The following TMEM222 variants were observed in gnomAD, a reference collection of about 807,000 sequenced individuals.
TMEM222 encodes the protein transmembrane protein 222.
TMEM222 carries 18 observed loss-of-function variants against 25.1 expected under a neutral mutation model. The ratio of observed to expected loss-of-function variants is 0.72; its 90% confidence interval spans 0.50 to 1.06. The LOEUF is 1.06. Among genes scored for constraint, TMEM222 ranks in the 50% least tolerant of loss-of-function variants. TMEM222 has a pLI of 0.00. For synonymous variants in TMEM222, 131 were observed against 117.9 expected (o/e 1.11, Z -0.72); for missense variants, 296 against 293.7 (o/e 1.01, Z -0.06).
intron 1 of TMEM222, chr1:27,325,444 A>T: frequency 8.0e-7 from 1 of 1,248,966 alleles, no homozygotes; most frequent in Non-Finnish European, 1.2e-6. Context: ...CAGTGTCCGG[A>T]GGCGCTGTTC....
At position 27,322,401 on chromosome 1, in the gene TMEM222, T is replaced by C; in HGVS notation, c.194+10T>C. On this transcript the variant is annotated intron_variant, in intron 1 of 5. Transcript: ENST00000374076. The stretch of plus-strand genomic sequence containing the variant: ...CCATCCCGGTGCTCACGTGAGTCTC[T>C]TCCGGCATCCGCCTGGGGACGAGGA... 4 of 1,388,970 alleles carry C rather than the reference T, an allele frequency of 2.9e-6. No individual in the cohort carries two copies. Among genetic ancestry groups the C allele is most frequent in the Non-Finnish European group, 3.8e-6 (4 of 1,057,418 alleles). The allele number at this position is 1,388,970 out of a possible 1,614,324, so 86.0% of individuals were successfully genotyped here.
In TMEM222 at chr1:27,330,850, G is replaced by A. The variant is rs1454089110; in HGVS notation, c.279+46G>A. The A allele has an allele frequency of 1.9e-6, 3 of 1,608,634 alleles. No individual in the cohort carries two copies. The African/African-American group carries it at 4.0e-5, about 22-fold the overall frequency. On this transcript the variant is annotated intron_variant, in intron 2 of 5. Transcript: ENST00000374076. ...CCCGGGGGGTTCCAAGGTTTAAGTG[G>A]AAGGCTGTCCTGTCTTGCCTGCAGG...
In TMEM222 at chr1:27,330,735, C is replaced by G. The variant is rs1310201282; in HGVS notation, c.210C>G (p.Ile70Met). The G allele has an allele frequency of 6.2e-7, 1 of 1,614,224 alleles. No homozygotes were observed. Among genetic ancestry groups the G allele is most frequent in the South Asian group, 1.1e-5 (1 of 91,084 alleles). ...PIPVLTWFFP[I>M]IGHMGICTST... ...TTCCTCACAGGTGGTTTTTCCCCAT[C>G]ATCGGCCACATGGGCATCTGCACAT... The change falls in exon 2 of 6, where the codon ATC becomes ATG. Residue 70 changes from isoleucine to methionine, a missense_variant. Physicochemically the swap from Ile to Met is conservative, Grantham distance 10. Coordinates refer to ENST00000374076, the MANE Select transcript of TMEM222 (RefSeq NM_032125.3).
chr1:27,332,172 G>A lies in TMEM222; in HGVS notation c.311+71G>A, dbSNP rs2014497829. 2.5e-6 allele frequency: 4 copies of A among 1,582,338 alleles called. No individual in the cohort carries two copies. The Admixed American group carries it at 6.7e-5, about 26-fold the overall frequency. ...CCTGCCGGGGCGGGCCAGGCCTTCT[G>A]GGGCACAGGAGGGGCCAGCACCCTG... On this transcript the variant is annotated intron_variant, in intron 3 of 5. Transcript: ENST00000374076.
At chr1:27,332,630 T>C in intron 3 of TMEM222, 1 of 664,674 alleles carries the variant, frequency 1.5e-6, no homozygotes. Context: ...CCACCTCAGC[T>C]GTGGGCCTGG....
chr1:27,326,950 C>T (rs1424053145), intron 1 of TMEM222, among the ~76,000 whole-genome samples: 4 of 151,450 alleles, frequency 2.6e-5, no homozygotes, highest in Non-Finnish European at 4.4e-5. Flanking sequence ...GCTGCCAGCA[C>T]AGCTGTGGCG....
chr1:27,322,187 G>T lies in TMEM222; in HGVS notation c.-11G>T. ...CAGAGCCGGGGCCAGTCGGAGCGGGGCGCGCGCCGCATGGCGGAAGCGGAA... is the reference window on the plus strand; with the variant it reads ...CAGAGCCGGGGCCAGTCGGAGCGGGTCGCGCGCCGCATGGCGGAAGCGGAA... On this transcript the variant is annotated 5_prime_UTR_variant, in exon 1 of 6. Coordinates refer to ENST00000374076, the MANE Select transcript of TMEM222 (RefSeq NM_032125.3). The T allele has an allele frequency of 2.9e-6, 4 of 1,382,142 alleles. No homozygotes were observed. Among genetic ancestry groups the T allele is most frequent in the Non-Finnish European group, 3.8e-6 (4 of 1,057,076 alleles). 85.6% of individuals were successfully genotyped at this position (1,382,142 alleles called of 1,614,324 possible). A position where few individuals can be genotyped will look rare whatever the true frequency, so the allele number is the denominator to read the frequency against.
intron 1 of TMEM222, chr1:27,325,655 C>T: frequency 2.4e-6 from 2 of 840,766 alleles, no homozygotes; most frequent in South Asian, 1.3e-5. Context: ...AGATCAAGCT[C>T]ATTGTGCCCC....
chr1:27,325,492 A>G, intron 1 of TMEM222: 5 of 1,459,214 alleles, frequency 3.4e-6, no homozygotes, highest in Non-Finnish European at 4.8e-6. Context: ...TGCGGCATCC[A>G]CGAGACCACG....
rs998056031 is a variant in TMEM222, at chr1:27,330,679, A to C, written c.195-41A>C. ...CAGCGTCCGTCTAACTGGCTGAAAGATCCCCTAAGCTCTGTCCCTTCCCCG... is the reference window on the plus strand; with the variant it reads ...CAGCGTCCGTCTAACTGGCTGAAAGCTCCCCTAAGCTCTGTCCCTTCCCCG... On this transcript the variant is annotated intron_variant, in intron 1 of 5. Transcript: ENST00000374076. 3.2e-6 allele frequency: 5 copies of C among 1,558,142 alleles called. No individual in the cohort carries two copies. In the Admixed American group the frequency reaches 6.7e-5, roughly 21 times the overall value.
chr1:27,328,738 T>A (rs2014410714), intron 1 of TMEM222, among the ~76,000 whole-genome samples: 2 of 152,238 alleles, frequency 1.3e-5, no homozygotes, highest in Admixed American at 1.3e-4. Context: ...GTTGATGTTG[T>A]GTCCTTTCAC....
At chr1:27,328,307 A>G (rs1180369399) in intron 1 of TMEM222, among the ~76,000 whole-genome samples, 1 of 152,178 alleles carries the variant, frequency 6.6e-6, no homozygotes, top group African/African-American at 2.4e-5. Context: ...TGAGGCCACA[A>G]GCAGGCAGTG....
At position 27,327,425 on chromosome 1, in the gene TMEM222, G is replaced by T. The variant is rs1014271983; in HGVS notation, c.195-3295G>T. On this transcript the variant is annotated intron_variant, in intron 1 of 5. Transcript: ENST00000374076. ...TTATTTAGAGACAGAGTCTTGCTCT[G>T]TCACCCAGGCTGGAATGCAGTGGCG... Among the ~76,000 whole-genome samples the T allele has an allele frequency of 2.6e-5, 4 of 152,146 alleles. 1 individual carries two copies. Among genetic ancestry groups the T allele is most frequent in the African/African-American group, 9.7e-5 (4 of 41,432 alleles).
intron 2 of TMEM222, 84 bp downstream of exon 2, chr1:27,330,888 C>T (rs546932282): frequency 1.3e-6 from 2 of 1,596,370 alleles, no homozygotes; most frequent in Middle Eastern, 1.7e-4. Flanking sequence ...GGCTTCGTCT[C>T]CCCAGACCCA....
Position 27,328,888 on chromosome 1 carries a change from C to A in TMEM222, c.195-1832C>A, listed in dbSNP as rs569382901. On this transcript the variant is annotated intron_variant, in intron 1 of 5. Coordinates refer to ENST00000374076, the MANE Select transcript of TMEM222 (RefSeq NM_032125.3). ...GTGCTTTATGCTCGTGCCCAGGCAGCATTGAGGCCAGGACTCGGCCACTGG... is the reference window on the plus strand; with the variant it reads ...GTGCTTTATGCTCGTGCCCAGGCAGAATTGAGGCCAGGACTCGGCCACTGG... 1.3e-4 allele frequency among the ~76,000 whole-genome samples: 20 copies of A among 152,286 alleles called. No individual in the cohort carries two copies. The South Asian group carries it at 4.2e-3, about 32-fold the overall frequency.
chr1:27,322,372 A>G lies in TMEM222; in HGVS notation c.175A>G (p.Thr59Ala), dbSNP rs371053491. The change falls in exon 1 of 6, where the codon ACG becomes GCG. Residue 59 changes from threonine to alanine, a missense_variant. Coordinates refer to ENST00000374076, the MANE Select transcript of TMEM222 (RefSeq NM_032125.3). ...TCGCTTCCCCTACTGCGTGGTGTGGACGCCCATCCCGGTGCTCACGTGAGT... is the reference window on the plus strand; with the variant it reads ...TCGCTTCCCCTACTGCGTGGTGTGGGCGCCCATCCCGGTGCTCACGTGAGT... ...RSRFPYCVVWTPIPVLTWFFP... is the reference protein window; with the variant it reads ...RSRFPYCVVWAPIPVLTWFFP... 4 of 1,467,076 alleles carry G rather than the reference A, an allele frequency of 2.7e-6. No homozygotes were observed. Among genetic ancestry groups the G allele is most frequent in the African/African-American group, 1.5e-5 (1 of 68,716 alleles). The allele number at this position is 1,467,076 out of a possible 1,614,324, so 90.9% of individuals were successfully genotyped here. A position where few individuals can be genotyped will look rare whatever the true frequency, so the allele number is the denominator to read the frequency against.
At chr1:27,333,546 CTG>C (rs2014532361) in intron 3 of TMEM222, 1 of 448,174 alleles carries the variant, frequency 2.2e-6, no homozygotes, top group East Asian at 6.9e-5. Context: ...TGCCTTTCCA[CTG>C]TGTCCCCACG....
At position 27,335,436 on chromosome 1, in the gene TMEM222, C is replaced by T. The variant is rs948923924; in HGVS notation, c.597C>T (p.Leu199=). The T allele has an allele frequency of 3.7e-6, 6 of 1,614,100 alleles. No individual in the cohort carries two copies. The highest frequency in any genetic ancestry group is 3.3e-5 in the Admixed American group (2 of 60,008). ...LPFILLLGII[L]TVSLVFNLR The stretch of plus-strand genomic sequence containing the variant: ...TCATCCTTCTCCTGGGCATCATCCT[C>T]ACCGTCAGCCTGGTCTTTAACCTCC... Residue 199 remains leucine, a synonymous_variant, in exon 6 of 6, where the codon CTC becomes CTT. Coordinates refer to ENST00000374076, the MANE Select transcript of TMEM222 (RefSeq NM_032125.3).
Position 27,334,100 on chromosome 1 carries a change from G to A in TMEM222, c.408+46G>A, listed in dbSNP as rs185028940. On this transcript the variant is annotated intron_variant, in intron 4 of 5. Transcript: ENST00000374076. ...CCGGCACTCCCCAGGTGGGGACCAG[G>A]GGGGAGGCTCCCCTGCAGCCCATCC... The A allele has an allele frequency of 3.1e-4, 501 of 1,613,992 alleles. 3 individuals are homozygous for A. The African/African-American group carries it at 5.7e-3, about 18-fold the overall frequency.
Sources: allele counts gnomAD v4.1 joint callset (sites outside exome capture counted in the v4.1 genomes callset), GRCh38; gene constraint gnomAD v4.1.1; transcripts MANE v1.5; gene names NCBI Gene and HGNC (gene_info 2026-07-23, HGNC 2026-07-21).